OCIAD2: variants seen among roughly 807,000 people sequenced by gnomAD.
OCIAD2 encodes the protein OCIA domain containing 2.
Under a neutral mutation model 22.9 loss-of-function variants are expected in OCIAD2, and 29 were observed. The observed-to-expected ratio is 1.27, with a 90% confidence interval of 0.94 to 1.73. The LOEUF (loss-of-function observed/expected upper bound fraction) is 1.73, where lower values mean the gene tolerates loss of function less well. OCIAD2 is among the 40% of genes most tolerant of loss of function. The pLI is 0.00. For synonymous variants in OCIAD2, 67 were observed against 60.2 expected, an observed-to-expected ratio of 1.11 and a Z score of -0.52; for missense variants, 189 against 180.3, an observed-to-expected ratio of 1.05 and a Z score of -0.28.
rs563758141 is a variant in OCIAD2 at position 48,894,508 on chromosome 4, A to G, written c.218-455T>C. ...ACTCCATCTCAAAAAAAAAGATCTT[A>G]AAGGAGTTATGATTCAATTCTCAGT... is the stretch of plus-strand genomic sequence containing the variant. On this transcript the variant is annotated intron_variant, in intron 4 of 6. Transcript: ENST00000508632. 7.9e-5 allele frequency among the ~76,000 whole-genome samples: 12 copies of G among 152,262 alleles called. No individual in the cohort carries two copies. The East Asian group carries it at 2.3e-3, about 29-fold the overall frequency.
At chr4:48,889,807 G>A (rs767455490) in intron 6 of OCIAD2, among the ~76,000 whole-genome samples, 4 of 152,142 alleles carry the variant, frequency 2.6e-5, no homozygotes, top group Non-Finnish European at 5.9e-5. Flanking sequence ...ACATGCACAG[G>A]TATGTTTATT....
intron 6 of OCIAD2, among the ~76,000 whole-genome samples, chr4:48,890,218 C>A (rs1247394686): frequency 6.6e-6 from 1 of 151,266 alleles, no homozygotes; most frequent in African/African-American, 2.4e-5. Context: ...AACAAACCTG[C>A]AATGTTGTGC....
At position 48,885,439 on chromosome 4, in the gene OCIAD2, C is replaced by A. The variant is rs769543466; in HGVS notation, c.*45G>T. On this transcript the variant is annotated 3_prime_UTR_variant, in exon 7 of 7. Transcript: ENST00000508632. ...GTACACTTGAAATTTTAAATGTGTA[C>A]AAATTCAGAGGTTTAAAAAACTTCG... 9.9e-7 allele frequency: 1 copy of A among 1,007,322 alleles called. No individual in the cohort carries two copies. Among genetic ancestry groups the A allele is most frequent in the South Asian group, 1.3e-5 (1 of 75,372 alleles). The allele number at this position is 1,007,322 out of a possible 1,614,324, so 62.4% of individuals were successfully genotyped here. A position where few individuals can be genotyped will look rare whatever the true frequency, so the allele number is the denominator to read the frequency against.
chr4:48,905,765 T>C (rs1781510899), intron 1 of OCIAD2, among the ~76,000 whole-genome samples: 1 of 152,256 alleles, frequency 6.6e-6, no homozygotes, highest in African/African-American at 2.4e-5. Context: ...CACAGGTGTC[T>C]AATGTGATTA....
intron 6 of OCIAD2, 83 bp downstream of exon 6, chr4:48,892,689 G>T: frequency 1.5e-6 from 1 of 673,576 alleles, no homozygotes; most frequent in Non-Finnish European, 2.4e-6. Flanking sequence ...AAAAAATTGT[G>T]TTTAATATTA....
At chr4:48,895,216 C>T (rs1476419676) in intron 4 of OCIAD2, among the ~76,000 whole-genome samples, 3 of 152,272 alleles carry the variant, frequency 2.0e-5, no homozygotes, top group African/African-American at 7.2e-5. Context: ...TTCTGATTTC[C>T]AAGGACTGTA....
intron 2 of OCIAD2, among the ~76,000 whole-genome samples, chr4:48,900,442 T>G (rs529326341): frequency 6.6e-6 from 1 of 152,278 alleles, no homozygotes; most frequent in Non-Finnish European, 1.5e-5. Context: ...TTTTTATTAT[T>G]TGACATAGTT....
chr4:48,894,317 C>G (rs1579152852), intron 4 of OCIAD2, among the ~76,000 whole-genome samples: 1 of 151,908 alleles, frequency 6.6e-6, no homozygotes, highest in African/African-American at 2.4e-5. Flanking sequence ...ATGGTGAAAC[C>G]CCGTCTCCAC....
At position 48,892,768 on chromosome 4, in the gene OCIAD2, A is replaced by G; in HGVS notation, c.383+4T>C. 1.4e-6 allele frequency: 2 copies of G among 1,462,260 alleles called. No homozygotes were observed. The allele number at this position is 1,462,260 out of a possible 1,614,324, so 90.6% of individuals were successfully genotyped here. On this transcript the variant is annotated splice_donor_region_variant and intron_variant, in intron 6 of 6. Coordinates refer to ENST00000508632, the MANE Select transcript of OCIAD2 (RefSeq NM_001014446.3). ...ACAATCCCTCAACCAAACAGATTACAAACCTGTTATGCTGTGGACCAAAAC... is the reference window on the plus strand; with the variant it reads ...ACAATCCCTCAACCAAACAGATTACGAACCTGTTATGCTGTGGACCAAAAC...
chr4:48,901,284 A>G (rs1235942841), intron 2 of OCIAD2, among the ~76,000 whole-genome samples: 2 of 151,888 alleles, frequency 1.3e-5, no homozygotes, highest in African/African-American at 4.8e-5. Flanking sequence ...ATGTTCCCCT[A>G]TGGACCCATG....
At chr4:48,887,641 A>G (rs1781029843) in intron 6 of OCIAD2, among the ~76,000 whole-genome samples, 3 of 152,138 alleles carry the variant, frequency 2.0e-5, no homozygotes, top group Non-Finnish European at 2.9e-5. Flanking sequence ...AAGATCAGAT[A>G]GTTGTAGATA....
In OCIAD2 at chr4:48,885,618, T is replaced by A. The variant is rs1382747539; in HGVS notation, c.384-53A>T. 5 of 879,280 alleles carry A rather than the reference T, an allele frequency of 5.7e-6. No homozygotes were observed. In the African/African-American group the frequency reaches 8.3e-5, roughly 15 times the overall value. 54.5% of individuals were successfully genotyped at this position (879,280 alleles called of 1,614,324 possible). ...GTTTGTACTTTGACACTGGAAGCCC[T>A]AGTCTTTACATAACATATTATTCTT... On this transcript the variant is annotated intron_variant, in intron 6 of 6. Transcript: ENST00000508632.
intron 1 of OCIAD2, among the ~76,000 whole-genome samples, chr4:48,905,680 AT>A (rs1372081530): frequency 6.6e-6 from 1 of 152,100 alleles, no homozygotes; most frequent in African/African-American, 2.4e-5. Context: ...CTTATATACA[AT>A]TCTGTTTCCT....
rs1455797861 is a variant in OCIAD2, at chr4:48,892,867, G to A, written c.288C>T (p.Gly96=). The change falls in exon 6 of 7, where the codon GGC becomes GGT. Residue 96 remains glycine (G), a synonymous_variant. Transcript: ENST00000508632. ...CTCCTATGTATGATACCTTTCCAAG[G>A]CCAAATCCCAAGAGACCAGCAACTG... ...KVALAGLLGF[G]LGKVSYIGVC... The A allele has an allele frequency of 2.5e-6, 4 of 1,604,402 alleles. No individual in the cohort carries two copies. In the Admixed American group the frequency reaches 5.1e-5, roughly 20 times the overall value.
chr4:48,894,833 T>C (rs1781267175), intron 4 of OCIAD2, among the ~76,000 whole-genome samples: 1 of 152,180 alleles, frequency 6.6e-6, no homozygotes, highest in South Asian at 2.1e-4. Flanking sequence ...TCATGGTAGT[T>C]AGAATAATGG....
intron 4 of OCIAD2, among the ~76,000 whole-genome samples, chr4:48,895,305 GA>G (rs1034446552): frequency 2.6e-5 from 4 of 152,258 alleles, no homozygotes; most frequent in African/African-American, 4.8e-5. Context: ...ATCAAACTCT[GA>G]AAAAAATGTA....
chr4:48,890,386 C>T (rs1388250200), intron 6 of OCIAD2, among the ~76,000 whole-genome samples: 1 of 152,084 alleles, frequency 6.6e-6, no homozygotes, highest in Non-Finnish European at 1.5e-5. Context: ...AGAGTTTGAA[C>T]ATCTTGATTC....
intron 4 of OCIAD2, among the ~76,000 whole-genome samples, chr4:48,895,104 C>T (rs1451758956): frequency 6.6e-6 from 1 of 152,130 alleles, no homozygotes; most frequent in Non-Finnish European, 1.5e-5. Context: ...AAGAAATATG[C>T]ATGGTTCTAG....
At chr4:48,886,810 T>C (rs1271430892) in intron 6 of OCIAD2, among the ~76,000 whole-genome samples, 5 of 152,192 alleles carry the variant, frequency 3.3e-5, no homozygotes, top group Non-Finnish European at 5.9e-5. Flanking sequence ...TACGTGTGCA[T>C]GTGTCTTTAT....
Sources: gnomAD v4.1 joint callset for allele counts (sites outside exome capture counted in the v4.1 genomes callset) on GRCh38, gnomAD v4.1.1 for gene constraint, MANE v1.5 for transcripts, NCBI Gene and HGNC (gene_info 2026-07-23, HGNC 2026-07-21) for gene names.